The following SLC2A11 variants were observed in gnomAD, a reference collection of about 807,000 sequenced individuals.
SLC2A11 encodes solute carrier family 2 member 11, also known as solute carrier family 2, facilitated glucose transporter member 11.
SLC2A11 carries 43 observed loss-of-function variants against 52.1 expected under a neutral mutation model. The ratio of observed to expected loss-of-function variants is 0.82; its 90% CI spans 0.65 to 1.06. The LOEUF (loss-of-function observed/expected upper bound fraction) is 1.06, where lower values mean the gene tolerates loss of function less well. SLC2A11 is among the 50% of genes least tolerant of loss of function. The pLI, the probability that SLC2A11 is intolerant of heterozygous loss-of-function variation, is 0.00. For missense variants in SLC2A11, 582 were observed against 654.2 expected (o/e 0.89, Z 1.20); for synonymous variants, 261 against 277.6 (o/e 0.94, Z 0.59).
Position 23,884,630 on chromosome 22 carries a change from G to T in SLC2A11, c.1300-19G>T. On this transcript the variant is annotated intron_variant, in intron 11 of 11. Coordinates refer to ENST00000316185, the MANE Select transcript of SLC2A11 (RefSeq NM_001024939.4). The surrounding 1 kb of genome is among the most constrained non-coding windows in gnomAD (Gnocchi z 4.3). ...TTGATGGAGACACACCAGGTCTTGG[G>T]GTCTTTTTTAATCCGCAGGAGGCCT... The T allele has an allele frequency of 6.2e-7, 1 of 1,606,678 alleles. No homozygotes were observed. Among genetic ancestry groups the T allele is most frequent in the South Asian group, 1.1e-5 (1 of 90,196 alleles).
chr22:23,857,582 C>CCG (rs1555884649), upstream of SLC2A11: 1 of 1,482,200 alleles, frequency 6.7e-7, no homozygotes, highest in East Asian at 2.3e-5. Context: ...CCCAAACCCC[C>CCG]CCCCCGCGGC....
chr22:23,868,537 C>G lies in SLC2A11; in HGVS notation c.186C>G (p.Pro62=). The G allele has an allele frequency of 6.2e-7, 1 of 1,614,200 alleles. No homozygotes were observed. The highest frequency in any genetic ancestry group is 8.5e-7 in the Non-Finnish European group (1 of 1,180,030). The change falls in exon 3 of 12, where the codon CCC becomes CCG. Residue 62 remains proline, a synonymous_variant. Coordinates refer to ENST00000316185, the MANE Select transcript of SLC2A11 (RefSeq NM_001024939.4). ...AGGCGCGTACTGGAGAGCCACTGCC[C>G]GATCACCTAGTCCTGCTTATGTGGT... ...TWQARTGEPL[P]DHLVLLMWSL...
Position 23,862,137 on chromosome 22 carries a change from G to A in SLC2A11, c.64G>A (p.Ala22Thr), listed in dbSNP as rs773546207. 1.5e-5 allele frequency: 24 copies of A among 1,613,878 alleles called. No individual in the cohort carries two copies. The highest frequency in any genetic ancestry group is 6.7e-5 in the East Asian group (3 of 44,888). ...CAGGATCCTGCTCCTGACCATCTGC[G>A]CTGCCGGCATTGGTGGGACTTTTCA... is the stretch of plus-strand genomic sequence containing the variant. ...QGRILLLTIC[A>T]AGIGGTFQFG... Residue 22 changes from alanine (A) to threonine (T), a missense_variant, in exon 2 of 12, where the codon GCT (alanine) becomes ACT (threonine). By Grantham distance (58) the Ala-to-Thr change is moderately conservative (BLOSUM62 0). Transcript: ENST00000316185.
At chr22:23,860,613 A>G (rs1378389265) in intron 1 of SLC2A11, among the ~76,000 whole-genome samples, 1 of 151,820 alleles carries the variant, frequency 6.6e-6, no homozygotes, top group Admixed American at 6.6e-5. Context: ...GCATGCCTGC[A>G]ATCCCAGCTA....
rs570027069 is a variant in SLC2A11 at position 23,864,224 on chromosome 22, T to C, written c.129+2022T>C. ...CAAAGTAATATTTGCTAGCAGAAGA[T>C]AGAGGTGGGGATAGAAAGAATGATA... On this transcript the variant is annotated intron_variant, in intron 2 of 11. Transcript: ENST00000316185. Among the ~76,000 whole-genome samples, 10 of 151,820 alleles carry C rather than the reference T, an allele frequency of 6.6e-5. No individual in the cohort carries two copies. The East Asian group carries it at 1.9e-3, about 29-fold the overall frequency.
rs1252437942 is a variant in SLC2A11, at chr22:23,885,233, CA to C, written c.*385del. 5 of 354,646 alleles carry C rather than the reference CA, an allele frequency of 1.4e-5. No individual in the cohort carries two copies. Among genetic ancestry groups the C allele is most frequent in the Non-Finnish European group, 2.5e-5 (5 of 198,250 alleles). The allele number at this position is 354,646 out of a possible 1,614,324, so 22.0% of individuals were successfully genotyped here. A position where few individuals can be genotyped will look rare whatever the true frequency, so the allele number is the denominator to read the frequency against. On this transcript the variant is annotated 3_prime_UTR_variant, in exon 12 of 12. Coordinates refer to ENST00000316185, the MANE Select transcript of SLC2A11 (RefSeq NM_001024939.4). ...AGCTGGGCATGGTGGTATGTGCTAA[CA>C]GCTCTAGCTACTCAGGAGGCTGAGG...
At chr22:23,859,446 G>C (rs942634750) in intron 1 of SLC2A11, among the ~76,000 whole-genome samples, 1 of 151,958 alleles carries the variant, frequency 6.6e-6, no homozygotes, top group African/African-American at 2.4e-5. Context: ...TTTCCCAGCT[G>C]TATCTTGCCC....
In SLC2A11 at chr22:23,868,531, A is replaced by T. The variant is rs2032343245; in HGVS notation, c.180A>T (p.Pro60=). 1 of 1,614,218 alleles carries T rather than the reference A, an allele frequency of 6.2e-7. No homozygotes were observed. The highest frequency in any genetic ancestry group is 1.3e-5 in the African/African-American group (1 of 75,066). Residue 60 remains proline, a synonymous_variant, in exon 3 of 12, where the codon CCA becomes CCT. Transcript: ENST00000316185. ...CATGGCAGGCGCGTACTGGAGAGCC[A>T]CTGCCCGATCACCTAGTCCTGCTTA... ...NETWQARTGE[P]LPDHLVLLMW...
At chr22:23,873,942 G>A (rs753090926) in intron 3 of SLC2A11, among the ~76,000 whole-genome samples, 2 of 152,130 alleles carry the variant, frequency 1.3e-5, no homozygotes, top group African/African-American at 2.4e-5. Context: ...GCCACTTCTG[G>A]TCTTCAGTTT....
At chr22:23,860,275 A>T (rs1175063474) in intron 1 of SLC2A11, among the ~76,000 whole-genome samples, 1 of 152,072 alleles carries the variant, frequency 6.6e-6, no homozygotes, top group Non-Finnish European at 1.5e-5. Flanking sequence ...TTAGCCCAGC[A>T]TGATGGTGTG....
chr22:23,868,094 A>G (rs2032328613), intron 2 of SLC2A11: 2 of 299,452 alleles, frequency 6.7e-6, no homozygotes, highest in African/African-American at 2.2e-5. Context: ...CCAGGTGGAT[A>G]GTGTCAGAAT....
chr22:23,862,360 G>A (rs1255122265), intron 2 of SLC2A11, 158 bp downstream of exon 2: 1 of 634,830 alleles, frequency 1.6e-6, no homozygotes, highest in African/African-American at 1.8e-5. Context: ...GGTTCAAACT[G>A]AGCATACATC....
At chr22:23,862,285 C>T in intron 2 of SLC2A11, 83 bp downstream of exon 2, 1 of 1,319,800 alleles carries the variant, frequency 7.6e-7, no homozygotes, top group Non-Finnish European at 1.1e-6. Flanking sequence ...TTCAGCCAGG[C>T]ATCCACTAGG....
At chr22:23,857,037 A>T, upstream of SLC2A11, 5 of 1,326,906 alleles carry the variant, frequency 3.8e-6, no homozygotes, top group South Asian at 1.2e-5. Flanking sequence ...TCCTCTGGGG[A>T]AAGGTCGGGG....
intron 6 of SLC2A11, 142 bp from the exon 7 acceptor site, chr22:23,882,317 G>GAC (rs376854640): frequency 7.5e-5 from 51 of 683,348 alleles, no homozygotes; most frequent in Middle Eastern, 4.2e-4. Context: ...CAGAGAGAGA[G>GAC]ACACACACAC....
Position 23,885,536 on chromosome 22 carries a change from C to CAA in SLC2A11, c.*706_*707dup, listed in dbSNP as rs35420058. The CAA allele has an allele frequency of 0.17, 20,555 of 118,448 alleles. 1,872 individuals are homozygous for CAA. Among genetic ancestry groups the CAA allele is most frequent in the Admixed American group, 0.2 (2,289 of 11,176 alleles). 7.3% of individuals were successfully genotyped at this position (118,448 alleles called of 1,614,324 possible). ...CCACATAGTAAGATCCTGTTTCTACCAAAAAAAAAAAAAAAAAAAATTAGC... is the reference window on the plus strand; with the variant it reads ...CCACATAGTAAGATCCTGTTTCTACCAAAAAAAAAAAAAAAAAAAAAATTAGC... On this transcript the variant is annotated 3_prime_UTR_variant, in exon 12 of 12. Transcript: ENST00000316185.
intron 1 of SLC2A11, 28 bp from the exon 2 acceptor site, chr22:23,862,076 C>T: frequency 6.3e-7 from 1 of 1,596,788 alleles, no homozygotes. Context: ...TGTTGTTGGT[C>T]ACTCTGTGTT....
intron 6 of SLC2A11, chr22:23,881,890 A>G (rs2032809339): frequency 6.4e-6 from 1 of 155,160 alleles, no homozygotes; most frequent in Admixed American, 6.6e-5. Context: ...AGAGAGAGAA[A>G]CACACACACA....
At chr22:23,877,563 G>A (rs2146133813) in intron 5 of SLC2A11, 158 bp from the exon 6 acceptor site, 1 of 1,001,802 alleles carries the variant, frequency 1.0e-6, no homozygotes, top group East Asian at 2.6e-5. Context: ...TCCCAACCTG[G>A]GTGGGAGGGA....
Sources: gnomAD v4.1 joint callset for allele counts (sites outside exome capture counted in the v4.1 genomes callset) on GRCh38, gnomAD v4.1.1 for gene constraint, Gnocchi (gnomAD v3.1) non-coding constraint, MANE v1.5 for transcripts, NCBI Gene and HGNC (gene_info 2026-07-23, HGNC 2026-07-21) for gene names.